Variants in LIMS2 observed in about 807,000 individuals in gnomAD.
LIMS2 encodes the protein LIM and senescent cell antigen-like-containing domain protein 2.
In LIMS2, 30 loss-of-function variants were observed where a neutral mutation model predicts 45.3. That is an observed-to-expected ratio of 0.66 (90% confidence interval 0.50 to 0.90). The LOEUF (loss-of-function observed/expected upper bound fraction) is 0.90, where lower values mean the gene tolerates loss of function less well. LIMS2 is among the 40% of genes least tolerant of loss of function. The probability of loss-of-function intolerance (pLI) is 0.00; values close to 1 mark genes in which losing one functional copy is unlikely to be tolerated. For missense variants in LIMS2, 485 were observed against 468.7 expected (o/e 1.03, Z -0.32); for synonymous variants, 173 against 188.0 (o/e 0.92, Z 0.65).
In LIMS2 at chr2:127,653,537, C is replaced by T. The variant is rs907041425; in HGVS notation, c.359+887G>A. Among the ~76,000 whole-genome samples the T allele has an allele frequency of 2.0e-5, 3 of 152,164 alleles. No homozygotes were observed. Among genetic ancestry groups the T allele is most frequent in the Admixed American group, 1.3e-4 (2 of 15,284 alleles). Reference sequence around the variant, plus strand: ...TGTCTGCAAGGGCAGCCATGAGGGCCGGGCACGGAGCCCCAGACGACTCCC... The same window carrying T: ...TGTCTGCAAGGGCAGCCATGAGGGCTGGGCACGGAGCCCCAGACGACTCCC... On this transcript the variant is annotated intron_variant, in intron 4 of 9. Transcript: ENST00000355119. This position sits in a 1 kb window ranked among gnomAD's most constrained non-coding sequence, Gnocchi z 5.3.
intron 1 of LIMS2, 154 bp downstream of exon 1, chr2:127,674,860 C>A (rs1685434607): frequency 2.0e-6 from 2 of 985,198 alleles, no homozygotes; most frequent in Admixed American, 6.1e-5. Context: ...CCTGCCCCGA[C>A]GGGCGCTGCC....
intron 2 of LIMS2, among the ~76,000 whole-genome samples, chr2:127,657,135 C>T (rs1398681715): frequency 2.0e-5 from 3 of 152,240 alleles, no homozygotes; most frequent in African/African-American, 7.2e-5. Context: ...ACCACCAGGG[C>T]AGGCTCTTCC....
chr2:127,675,831 GAGGC>G (rs1033976172), upstream of LIMS2, among the ~76,000 whole-genome samples: 1 of 152,220 alleles, frequency 6.6e-6, no homozygotes. Flanking sequence ...CTAAAGCCGA[GAGGC>G]GTCCCTCTTC....
intron 1 of LIMS2, among the ~76,000 whole-genome samples, chr2:127,669,697 G>A (rs1229490720): frequency 6.6e-6 from 1 of 151,200 alleles, no homozygotes; most frequent in Non-Finnish European, 1.5e-5. Flanking sequence ...CAGCCTGGGC[G>A]ACACAGTGAG....
Position 127,642,490 on chromosome 2 carries a change from G to T in LIMS2, c.510-291C>A, listed in dbSNP as rs1682527897. The stretch of plus-strand genomic sequence containing the variant: ...CCTCCTCCTCCAAACCAGAGGGGGT[G>T]TCTGGATAGGCACGGAGAGGACTGG... On this transcript the variant is annotated intron_variant, in intron 5 of 9. Transcript: ENST00000355119. This position sits in a 1 kb window ranked among gnomAD's most constrained non-coding sequence, Gnocchi z 5.3. 8.2e-6 allele frequency: 3 copies of T among 366,802 alleles called. No individual in the cohort carries two copies. Among genetic ancestry groups the T allele is most frequent in the Non-Finnish European group, 1.5e-5 (3 of 203,468 alleles). 22.7% of individuals were successfully genotyped at this position (366,802 alleles called of 1,614,324 possible).
At chr2:127,640,512 G>T (rs112710244) in intron 7 of LIMS2, 194 bp from the exon 8 acceptor site, 2 of 637,396 alleles carry the variant, frequency 3.1e-6, no homozygotes, top group South Asian at 1.9e-5. Flanking sequence ...AGGACAACAG[G>T]CTGGGGCGTT....
At chr2:127,644,551 G>A (rs1159684333) in intron 4 of LIMS2, among the ~76,000 whole-genome samples, 1 of 152,184 alleles carries the variant, frequency 6.6e-6, no homozygotes, top group African/African-American at 2.4e-5. Context: ...CGGTGCCTCT[G>A]TCCCAGACTC....
Position 127,667,762 on chromosome 2 carries a change from T to C in LIMS2, c.11+7252A>G, listed in dbSNP as rs1224933724. On this transcript the variant is annotated intron_variant, in intron 1 of 9. Coordinates refer to ENST00000355119, the MANE Select transcript of LIMS2 (RefSeq NM_001161403.3). This position sits in a 1 kb window ranked among gnomAD's most constrained non-coding sequence, Gnocchi z 4.1. ...TACTTAGTGATGAGAAAATGAATGC[T>C]TTCCTCCTAAGGTCAGGGGGATTTC... 6.6e-6 allele frequency among the ~76,000 whole-genome samples: 1 copy of C among 152,230 alleles called. No individual in the cohort carries two copies. The highest frequency in any genetic ancestry group is 2.4e-5 in the African/African-American group (1 of 41,450).
intron 1 of LIMS2, among the ~76,000 whole-genome samples, chr2:127,666,915 G>T (rs892272251): frequency 3.3e-5 from 5 of 152,168 alleles, no homozygotes; most frequent in Non-Finnish European, 5.9e-5. Flanking sequence ...CCTCCACCTG[G>T]TCTCTCCCTT....
At chr2:127,674,553 ATTT>A in intron 1 of LIMS2, 1 of 886,142 alleles carries the variant, frequency 1.1e-6, no homozygotes, top group Non-Finnish European at 1.4e-6. Context: ...ACCCTTCAAC[ATTT>A]TTAACATTTT....
At position 127,643,245 on chromosome 2, in the gene LIMS2, C is replaced by T. The variant is rs1004430273; in HGVS notation, c.360-173G>A. 4.6e-6 allele frequency: 3 copies of T among 655,622 alleles called. No homozygotes were observed. The African/African-American group carries it at 5.4e-5, about 12-fold the overall frequency. 40.6% of individuals were successfully genotyped at this position (655,622 alleles called of 1,614,324 possible). A position where few individuals can be genotyped will look rare whatever the true frequency, so the allele number is the denominator to read the frequency against. ...CCCTGTCACAAGGCCCAGAAGGTCA[C>T]AAGTGTGTCCTGGGAATGGGACGCA... On this transcript the variant is annotated intron_variant, in intron 4 of 9. Coordinates refer to ENST00000355119, the MANE Select transcript of LIMS2 (RefSeq NM_001161403.3).
intron 2 of LIMS2, among the ~76,000 whole-genome samples, chr2:127,656,387 G>T (rs1019095765): frequency 6.6e-6 from 1 of 150,726 alleles, no homozygotes; most frequent in African/African-American, 2.4e-5. Flanking sequence ...TCAGCACAGC[G>T]GCCACAAGCC....
At chr2:127,662,398 C>T (rs1341840012) in intron 1 of LIMS2, among the ~76,000 whole-genome samples, 1 of 151,998 alleles carries the variant, frequency 6.6e-6, no homozygotes, top group Non-Finnish European at 1.5e-5. Flanking sequence ...GGGAGCAGCT[C>T]CAGTCCCTCA....
At position 127,675,496 on chromosome 2, in the gene LIMS2, A is replaced by AC. The variant is rs1685473816; in HGVS notation, c.-473_-472insG. ...GCGCGGCCAGCGGCGGGCGCGGGTC[A>AC]AGTCCTTCCCAACCCGGGCTCTGCT... On this transcript the variant is annotated 5_prime_UTR_variant, in exon 1 of 10. Transcript: ENST00000355119. Among the ~76,000 whole-genome samples the AC allele has an allele frequency of 6.6e-6, 1 of 151,872 alleles. No individual in the cohort carries two copies. The highest frequency in any genetic ancestry group is 2.4e-5 in the African/African-American group (1 of 41,382).
intron 4 of LIMS2, chr2:127,643,534 A>T: frequency 2.2e-6 from 1 of 456,726 alleles, no homozygotes; most frequent in Non-Finnish European, 4.4e-6. Flanking sequence ...AAGGGCCCAA[A>T]CACGTACAGG....
chr2:127,674,146 G>T (rs1558904885), intron 1 of LIMS2: 1 of 166,232 alleles, frequency 6.0e-6, no homozygotes, highest in Middle Eastern at 2.9e-3. Context: ...TACCCTCCAA[G>T]CCCCTTTCCC....
chr2:127,658,375 A>G (rs1011298409), intron 1 of LIMS2, among the ~76,000 whole-genome samples: 3 of 152,180 alleles, frequency 2.0e-5, no homozygotes, highest in African/African-American at 7.2e-5. Flanking sequence ...ACAGAGCAAG[A>G]CCCTGTCTCA....
chr2:127,674,463 C>T (rs1685415866), intron 1 of LIMS2: 1 of 231,334 alleles, frequency 4.3e-6, no homozygotes, highest in Non-Finnish European at 7.1e-6. Context: ...GAGGGTGGGC[C>T]AGGCCCAGGG....
chr2:127,653,293 G>A lies in LIMS2; in HGVS notation c.359+1131C>T, dbSNP rs931878888. Among the ~76,000 whole-genome samples, 1 of 152,198 alleles carries A rather than the reference G, an allele frequency of 6.6e-6. No individual in the cohort carries two copies. Among genetic ancestry groups the A allele is most frequent in the African/African-American group, 2.4e-5 (1 of 41,448 alleles). ...GGGGAAGCATGGCTGGGGCCTCTGG[G>A]GGTCGGCGCTGCCTCTCACTGATAC... On this transcript the variant is annotated intron_variant, in intron 4 of 9. Coordinates refer to ENST00000355119, the MANE Select transcript of LIMS2 (RefSeq NM_001161403.3). The surrounding 1 kb of genome is among the most constrained non-coding windows in gnomAD (Gnocchi z 5.3).
Sources: gnomAD v4.1 joint callset for allele counts (sites outside exome capture counted in the v4.1 genomes callset) on GRCh38, gnomAD v4.1.1 for gene constraint, Gnocchi (gnomAD v3.1) non-coding constraint, MANE v1.5 for transcripts, NCBI Gene and HGNC (gene_info 2026-07-23, HGNC 2026-07-21) for gene names.